Variants in FER1L5 observed in about 807,000 individuals in gnomAD.
FER1L5 encodes the protein fer-1 like family member 5, also known as fer-1-like protein 5.
In FER1L5, 187 loss-of-function variants were observed where a neutral mutation model predicts 279.9. The observed-to-expected ratio is 0.67, with a 90% CI of 0.59 to 0.75. FER1L5 has a LOEUF of 0.75. Ranked by LOEUF, FER1L5 falls within the 30% of genes least tolerant of loss-of-function variation. FER1L5 has a pLI of 0.00. For missense variants in FER1L5, 2,091 were observed against 2,594.4 expected (o/e 0.81, Z 4.21); for synonymous variants, 921 against 989.7 (o/e 0.93, Z 1.30).
intron 23 of FER1L5, 181 bp from the exon 24 acceptor site, chr2:96,687,635 C>T: frequency 1.1e-6 from 1 of 942,182 alleles, no homozygotes; most frequent in South Asian, 1.8e-5. Context: ...TGGAGCCACC[C>T]CACTCTGGAG....
chr2:96,702,111 C>T lies in FER1L5; in HGVS notation c.5159+68C>T. 6.3e-7 allele frequency: 1 copy of T among 1,588,344 alleles called. No homozygotes were observed. The highest frequency in any genetic ancestry group is 8.6e-7 in the Non-Finnish European group (1 of 1,159,946). On this transcript the variant is annotated intron_variant, in intron 46 of 52. Coordinates refer to ENST00000624922, the MANE Select transcript of FER1L5 (RefSeq NM_001293083.2). This position sits in a 1 kb window ranked among gnomAD's most constrained non-coding sequence, Gnocchi z 4.0. Reference sequence around the variant, plus strand: ...AGAACTCCCCCAGTGCAGGGCACCACTGTCCTCAGGTACTGAGCTGCAGTA... The same window carrying T: ...AGAACTCCCCCAGTGCAGGGCACCATTGTCCTCAGGTACTGAGCTGCAGTA...
intron 14 of FER1L5, among the ~76,000 whole-genome samples, chr2:96,668,504 A>T (rs1217054467): frequency 6.6e-6 from 1 of 152,154 alleles, no homozygotes; most frequent in African/African-American, 2.4e-5. Flanking sequence ...ACTGCACTCC[A>T]GTCTAGGTGA....
intron 7 of FER1L5, chr2:96,652,463 G>A (rs1192693929): frequency 5.8e-6 from 1 of 172,436 alleles, no homozygotes; most frequent in Non-Finnish European, 1.3e-5. Context: ...GCTGGAAGGA[G>A]TAAGTGAGTA....
chr2:96,698,408 T>C lies in FER1L5; in HGVS notation c.4356+252T>C, dbSNP rs1311819846. Among the ~76,000 whole-genome samples, 3 of 151,832 alleles carry C rather than the reference T, an allele frequency of 2.0e-5. No individual in the cohort carries two copies. Among genetic ancestry groups the C allele is most frequent in the African/African-American group, 4.8e-5 (2 of 41,312 alleles). ...GAGAACAAGCCCGAACCTGAAGGGA[T>C]AGATGGGGTGGAATGAGTCCACAGC... On this transcript the variant is annotated intron_variant, in intron 40 of 52. Transcript: ENST00000624922. The surrounding 1 kb of genome is among the most constrained non-coding windows in gnomAD (Gnocchi z 5.5).
chr2:96,697,830 G>C (rs901733901), intron 39 of FER1L5, 69 bp downstream of exon 39: 8 of 1,558,708 alleles, frequency 5.1e-6, no homozygotes, highest in Non-Finnish European at 7.0e-6. Context: ...AGCTAGCCTT[G>C]ATTCCTCTGG....
intron 21 of FER1L5, 39 bp downstream of exon 21, chr2:96,685,468 G>A: frequency 6.6e-7 from 1 of 1,520,120 alleles, no homozygotes; most frequent in Non-Finnish European, 8.9e-7. Flanking sequence ...CTGGCCTGGA[G>A]CTGAGCCAGA....
At position 96,659,353 on chromosome 2, in the gene FER1L5, C is replaced by T. The variant is rs201233467; in HGVS notation, c.748-988C>T. On this transcript the variant is annotated intron_variant, in intron 9 of 52. Transcript: ENST00000624922. The stretch of plus-strand genomic sequence containing the variant: ...TCCTTCCTTCCTTCCTTCCTTCCTT[C>T]CTTCCTTCCTTCTTTCTTTCTTTCT... 1.3e-3 allele frequency among the ~76,000 whole-genome samples: 95 copies of T among 70,990 alleles called. 10 individuals are homozygous for T. Among genetic ancestry groups the T allele is most frequent in the South Asian group, 0.012 (9 of 728 alleles). The allele number at this position is 70,990 out of a possible 152,430, so 46.6% of individuals were successfully genotyped here.
At chr2:96,665,594 T>A (rs911621280) in intron 14 of FER1L5, among the ~76,000 whole-genome samples, 1 of 151,840 alleles carries the variant, frequency 6.6e-6, no homozygotes, top group African/African-American at 2.4e-5. Context: ...CTGTTCATCT[T>A]CTTTGTTCAT....
chr2:96,695,458 T>G, intron 34 of FER1L5, 51 bp from the exon 35 acceptor site: 1 of 1,522,466 alleles, frequency 6.6e-7, no homozygotes, highest in Non-Finnish European at 8.8e-7. Context: ...AGGACCCCAT[T>G]ACAGAGGCGC....
intron 12 of FER1L5, 113 bp from the exon 13 acceptor site, chr2:96,662,102 G>A: frequency 3.7e-6 from 4 of 1,095,014 alleles, no homozygotes; most frequent in African/African-American, 3.1e-5. Context: ...GGTCTGCCCA[G>A]GGGGCACCCC....
chr2:96,655,023 T>C (rs1291859019), intron 9 of FER1L5: 1 of 151,948 alleles, frequency 6.6e-6, no homozygotes, highest in Non-Finnish European at 1.5e-5. Flanking sequence ...GATAATATAC[T>C]CGATCTGGGG....
In FER1L5 at chr2:96,703,582, C is replaced by T. The variant is rs770512176; in HGVS notation, c.5751C>T (p.Ala1917=). 1.4e-5 allele frequency: 23 copies of T among 1,613,834 alleles called. No homozygotes were observed. The East Asian group carries it at 1.6e-4, about 11-fold the overall frequency. The change falls in exon 51 of 53, where the codon GCC becomes GCT. Residue 1917 remains alanine (A), a synonymous_variant. Coordinates refer to ENST00000624922, the MANE Select transcript of FER1L5 (RefSeq NM_001293083.2). ...LSEKEALIKP[A]GRGQSEPNQY... ...AGAAGGAAGCCTTAATCAAGCCAGCCGGGCGAGGCCAGTCGGAACCCAACC... is the reference window on the plus strand; with the variant it reads ...AGAAGGAAGCCTTAATCAAGCCAGCTGGGCGAGGCCAGTCGGAACCCAACC...
At chr2:96,696,110 T>C (rs1311852991) in intron 37 of FER1L5, 33 bp downstream of exon 37, 2 of 1,613,088 alleles carry the variant, frequency 1.2e-6, no homozygotes, top group Non-Finnish European at 1.7e-6. Flanking sequence ...CCTTCTCCCA[T>C]ACTGTTGACG....
At chr2:96,653,788 T>C in intron 8 of FER1L5, 86 bp downstream of exon 8, 1 of 1,018,720 alleles carries the variant, frequency 9.8e-7, no homozygotes, top group Non-Finnish European at 1.5e-6. Context: ...CCCCCACCCT[T>C]AGAGCCAGGG....
intron 18 of FER1L5, among the ~76,000 whole-genome samples, chr2:96,671,230 A>G (rs1573863563): frequency 1.3e-5 from 2 of 151,828 alleles, no homozygotes; most frequent in East Asian, 3.9e-4. Flanking sequence ...TCCTGAAGCC[A>G]GTGGAGGGCT....
intron 13 of FER1L5, 91 bp from the exon 14 acceptor site, chr2:96,663,348 A>T (rs2106536261): frequency 8.2e-7 from 1 of 1,221,270 alleles, no homozygotes; most frequent in Non-Finnish European, 1.2e-6. Context: ...TGTGGTGTCC[A>T]CTGGGAGGCT....
chr2:96,667,337 A>G (rs1375255192), intron 14 of FER1L5, among the ~76,000 whole-genome samples: 9 of 150,702 alleles, frequency 6.0e-5, no homozygotes, highest in South Asian at 2.1e-4. Context: ...GGCAGCTATT[A>G]TTATTTATTC....
At chr2:96,696,800 G>C (rs1189438744) in intron 37 of FER1L5, among the ~76,000 whole-genome samples, 1 of 152,112 alleles carries the variant, frequency 6.6e-6, no homozygotes, top group Non-Finnish European at 1.5e-5. Context: ...AGCTACTATG[G>C]AGGCTGAGGC....
In FER1L5 at chr2:96,651,929, G is replaced by C; in HGVS notation, c.542G>C (p.Gly181Ala). The change falls in exon 7 of 53, where the codon GGC (glycine) becomes GCC (alanine). Residue 181 changes from glycine (G) to alanine (A), a missense_variant. Coordinates refer to ENST00000624922, the MANE Select transcript of FER1L5 (RefSeq NM_001293083.2). Reference sequence around the variant, plus strand: ...GTGTTTGAAGCCCGACAGCTCATGGGCAACAACATCAAACCAGTGGTGAAG... The same window carrying C: ...GTGTTTGAAGCCCGACAGCTCATGGCCAACAACATCAAACCAGTGGTGAAG... Reference protein sequence around the residue: ...VKVFEARQLMGNNIKPVVKVS... With the variant: ...VKVFEARQLMANNIKPVVKVS... The C allele has an allele frequency of 6.4e-7, 1 of 1,552,014 alleles. No individual in the cohort carries two copies. Among genetic ancestry groups the C allele is most frequent in the East Asian group, 2.4e-5 (1 of 40,926 alleles).
Sources: gnomAD v4.1 joint callset for allele counts (sites outside exome capture counted in the v4.1 genomes callset) on GRCh38, gnomAD v4.1.1 for gene constraint, Gnocchi (gnomAD v3.1) non-coding constraint, MANE v1.5 for transcripts, NCBI Gene and HGNC (gene_info 2026-07-23, HGNC 2026-07-21) for gene names.